The following RAB3C variants were observed in gnomAD, a reference collection of about 807,000 sequenced individuals.
RAB3C encodes ras-related protein Rab-3C.
A neutral mutation model predicts 26.4 loss-of-function variants in RAB3C; 17 were observed. The ratio of observed to expected loss-of-function variants is 0.64; its 90% CI spans 0.44 to 0.97. The LOEUF (loss-of-function observed/expected upper bound fraction) is 0.97. Ranked by LOEUF, RAB3C falls within the 50% of genes least tolerant of loss-of-function variation. The pLI, the probability that RAB3C is intolerant of heterozygous loss-of-function variation, is 0.00. For synonymous variants in RAB3C, 91 were observed against 95.9 expected (o/e 0.95, Z 0.30); for missense variants, 242 against 281.9 (o/e 0.86, Z 1.01).
chr5:58,749,535 A>G (rs912689494), intron 3 of RAB3C, among the ~76,000 whole-genome samples: 1 of 152,190 alleles, frequency 6.6e-6, no homozygotes. Flanking sequence ...TACTTGAAGC[A>G]GAAGATAAAG....
intron 2 of RAB3C, among the ~76,000 whole-genome samples, chr5:58,690,334 C>T (rs1157862799): frequency 6.6e-6 from 1 of 152,072 alleles, no homozygotes; most frequent in African/African-American, 2.4e-5. Flanking sequence ...AAGTTTTAGG[C>T]TTAAAATATT....
intron 2 of RAB3C, among the ~76,000 whole-genome samples, chr5:58,676,952 G>A (rs1748242939): frequency 6.6e-6 from 1 of 152,106 alleles, no homozygotes; most frequent in Non-Finnish European, 1.5e-5. Context: ...ACCATGAACT[G>A]GGTGACTTAA....
intron 3 of RAB3C, among the ~76,000 whole-genome samples, chr5:58,800,896 T>C (rs1742793108): frequency 6.6e-6 from 1 of 152,302 alleles, no homozygotes; most frequent in East Asian, 1.9e-4. Flanking sequence ...AATATGGACT[T>C]CCCACATCAA....
At chr5:58,733,685 T>C (rs1340898837) in intron 3 of RAB3C, among the ~76,000 whole-genome samples, 1 of 152,190 alleles carries the variant, frequency 6.6e-6, no homozygotes, top group Non-Finnish European at 1.5e-5. Context: ...TAAGTAAGTA[T>C]AGAAATACCA....
intron 3 of RAB3C, among the ~76,000 whole-genome samples, chr5:58,760,558 C>A (rs904457563): frequency 1.2e-4 from 18 of 152,198 alleles, no homozygotes; most frequent in African/African-American, 4.3e-4. Flanking sequence ...AACTGAATAT[C>A]ACCCCAAAAT....
At chr5:58,715,797 G>A (rs1188576754) in intron 2 of RAB3C, among the ~76,000 whole-genome samples, 1 of 152,094 alleles carries the variant, frequency 6.6e-6, no homozygotes, top group African/African-American at 2.4e-5. Flanking sequence ...CCATGAAGAG[G>A]TGAGCAGAAA....
rs1744301192 is a variant in RAB3C, at chr5:58,858,012, G to A, written c.*6661G>A. The A allele has an allele frequency of 6.6e-6, 1 of 152,172 alleles. No individual in the cohort carries two copies. Among genetic ancestry groups the A allele is most frequent in the African/African-American group, 2.4e-5 (1 of 41,446 alleles). 9.4% of individuals were successfully genotyped at this position (152,172 alleles called of 1,614,324 possible). A position where few individuals can be genotyped will look rare whatever the true frequency, so the allele number is the denominator to read the frequency against. On this transcript the variant is annotated 3_prime_UTR_variant, in exon 5 of 5. Transcript: ENST00000282878. ...CCTTTTCATTCAGTTAGTGGAGTAA[G>A]TCATGAAACCCTTAGGAAGAAAAAC...
rs113411362 is a variant in RAB3C, at chr5:58,591,565, C to T, written c.24+8333C>T. On this transcript the variant is annotated intron_variant, in intron 1 of 4. Transcript: ENST00000282878. ...TAATAGAGAATGCAGACACTCTTGC[C>T]TTCTTAATAGTATTTTCATAGTATA... Among the ~76,000 whole-genome samples, 560 of 147,462 alleles carry T rather than the reference C, an allele frequency of 3.8e-3. 4 individuals carry two copies. Among genetic ancestry groups the T allele is most frequent in the African/African-American group, 0.013 (526 of 40,238 alleles).
intron 2 of RAB3C, among the ~76,000 whole-genome samples, chr5:58,693,346 A>ATATATATATATATATG (rs1561291384): frequency 1.4e-5 from 2 of 141,094 alleles, no homozygotes; most frequent in African/African-American, 5.5e-5. Context: ...GTATATATAT[A>ATATATATATATATATG]TATATATATA....
chr5:58,614,818 A>G (rs1267299473), intron 1 of RAB3C, among the ~76,000 whole-genome samples: 1 of 152,178 alleles, frequency 6.6e-6, no homozygotes, highest in African/African-American at 2.4e-5. Context: ...AATTGCAGAT[A>G]TAAAATATTT....
chr5:58,744,960 T>C (rs1331065945), intron 3 of RAB3C, among the ~76,000 whole-genome samples: 2 of 152,172 alleles, frequency 1.3e-5, no homozygotes, highest in African/African-American at 4.8e-5. Context: ...CAGGCCATTA[T>C]TGGGGAATCA....
At chr5:58,763,460 A>T (rs887685950) in intron 3 of RAB3C, among the ~76,000 whole-genome samples, 3 of 152,178 alleles carry the variant, frequency 2.0e-5, no homozygotes, top group Non-Finnish European at 4.4e-5. Flanking sequence ...CCCCATGGAT[A>T]TACAGAGAGT....
chr5:58,781,599 A>G (rs1579915288), intron 3 of RAB3C, among the ~76,000 whole-genome samples: 1 of 151,972 alleles, frequency 6.6e-6, no homozygotes, highest in African/African-American at 2.4e-5. Context: ...TGGAAACTCT[A>G]TGTTAATCTT....
At chr5:58,655,390 G>GAA (rs1452459889) in intron 2 of RAB3C, among the ~76,000 whole-genome samples, 3 of 152,168 alleles carry the variant, frequency 2.0e-5, no homozygotes, top group Non-Finnish European at 4.4e-5. Context: ...TGACAATCTA[G>GAA]AAATAGCAAA....
At chr5:58,762,016 A>G (rs1380544064) in intron 3 of RAB3C, among the ~76,000 whole-genome samples, 1 of 151,804 alleles carries the variant, frequency 6.6e-6, no homozygotes, top group Non-Finnish European at 1.5e-5. Context: ...TCTGAGCCAC[A>G]TATGTTATTT....
intron 1 of RAB3C, among the ~76,000 whole-genome samples, chr5:58,594,268 C>A (rs990665192): frequency 2.0e-5 from 3 of 152,168 alleles, no homozygotes; most frequent in African/African-American, 4.8e-5. Flanking sequence ...CAAATTATGA[C>A]CCTCCTGTGA....
At chr5:58,763,053 A>G (rs1741830395) in intron 3 of RAB3C, among the ~76,000 whole-genome samples, 1 of 152,232 alleles carries the variant, frequency 6.6e-6, no homozygotes, top group Non-Finnish European at 1.5e-5. Context: ...ACTTTTTTCT[A>G]CAAGAGGGAA....
intron 2 of RAB3C, among the ~76,000 whole-genome samples, chr5:58,648,354 T>C (rs1747571290): frequency 6.6e-6 from 1 of 152,198 alleles, no homozygotes; most frequent in Non-Finnish European, 1.5e-5. Context: ...GTGCTGTGTG[T>C]GCAAAGATGA....
intron 2 of RAB3C, among the ~76,000 whole-genome samples, chr5:58,696,781 T>A (rs1225047490): frequency 2.0e-5 from 3 of 152,220 alleles, no homozygotes; most frequent in Admixed American, 2.0e-4. Context: ...CCTTTATCAT[T>A]TTTTATTGCA....
Sources: allele counts gnomAD v4.1 joint callset (sites outside exome capture counted in the v4.1 genomes callset), GRCh38; gene constraint gnomAD v4.1.1; transcripts MANE v1.5; gene names NCBI Gene and HGNC (gene_info 2026-07-23, HGNC 2026-07-21).